The following FYB2 variants were observed in gnomAD, a reference collection of about 807,000 sequenced individuals.
FYB2 encodes FYN binding protein 2.
In FYB2, 103 loss-of-function variants were observed where a neutral mutation model predicts 94.1. The ratio of observed to expected loss-of-function variants is 1.09; its 90% confidence interval spans 0.93 to 1.29. The LOEUF is 1.29. Among genes scored for constraint, FYB2 ranks in the 50% most tolerant of loss-of-function variants. The probability of loss-of-function intolerance (pLI) is 0.00; values close to 1 mark genes in which losing one functional copy is unlikely to be tolerated. For synonymous variants in FYB2, 293 were observed against 287.9 expected, an observed-to-expected ratio of 1.02 and a Z score of -0.18; for missense variants, 896 against 841.5, an observed-to-expected ratio of 1.06 and a Z score of -0.80.
At chr1:56,813,826 A>T (rs1646821093) in intron 1 of FYB2, among the ~76,000 whole-genome samples, 1 of 152,192 alleles carries the variant, frequency 6.6e-6, no homozygotes. Context: ...TTTTTCCTTT[A>T]TAAATGAGAT....
rs749780645 is a variant in FYB2 at position 56,792,519 on chromosome 1, T to C, written c.294A>G (p.Gly98=). 2.5e-6 allele frequency: 4 copies of C among 1,614,052 alleles called. No homozygotes were observed. The South Asian group carries it at 4.4e-5, about 18-fold the overall frequency. Residue 98 remains glycine (G), a synonymous_variant, in exon 2 of 20, where the codon GGA becomes GGG. Coordinates refer to ENST00000343433, the MANE Select transcript of FYB2 (RefSeq NM_001004303.5). ...TTGTTGCAGAACATACAGTAGACTT[T>C]CCCAGAGGCCCTGGGGAGTTAGAAC... ...PKCSNSPGPL[G]KSTVCSATSS...
intron 4 of FYB2, 105 bp downstream of exon 4, chr1:56,787,070 T>G: frequency 3.9e-6 from 5 of 1,270,688 alleles, no homozygotes; most frequent in Non-Finnish European, 5.7e-6. Context: ...GAAACCCTTC[T>G]GAGAAATACA....
At chr1:56,744,121 C>A in intron 10 of FYB2, 31 bp downstream of exon 10, 3 of 1,611,748 alleles carry the variant, frequency 1.9e-6, no homozygotes, top group Non-Finnish European at 2.5e-6. Context: ...TCATCACATT[C>A]ATCTTGCTGA....
At chr1:56,812,338 CTA>C (rs1646786156) in intron 1 of FYB2, among the ~76,000 whole-genome samples, 1 of 152,066 alleles carries the variant, frequency 6.6e-6, no homozygotes, top group Admixed American at 6.6e-5. Context: ...TTCACCATGA[CTA>C]TGGTAAAAAG....
chr1:56,822,322 A>G (rs1490160819), upstream of FYB2, among the ~76,000 whole-genome samples: 1 of 152,240 alleles, frequency 6.6e-6, no homozygotes, highest in Non-Finnish European at 1.5e-5. Context: ...TTTAAATCGT[A>G]GAGAAATACA....
chr1:56,791,937 G>T, intron 2 of FYB2, 119 bp downstream of exon 2: 1 of 1,362,190 alleles, frequency 7.3e-7, no homozygotes, highest in East Asian at 2.4e-5. Context: ...ATCACGTGGA[G>T]AGTCTGGAGC....
At chr1:56,801,775 A>T (rs1313090103) in intron 1 of FYB2, among the ~76,000 whole-genome samples, 1 of 152,178 alleles carries the variant, frequency 6.6e-6, no homozygotes, top group Non-Finnish European at 1.5e-5. Flanking sequence ...ATTGGGTTCC[A>T]TAGACCATCA....
chr1:56,773,220 A>G (rs537070262), intron 4 of FYB2, among the ~76,000 whole-genome samples: 4 of 152,252 alleles, frequency 2.6e-5, no homozygotes, highest in African/African-American at 9.6e-5. Context: ...GGTTGTTTCC[A>G]TTTGCCATGT....
At chr1:56,810,338 A>G (rs966177094) in intron 1 of FYB2, among the ~76,000 whole-genome samples, 7 of 151,944 alleles carry the variant, frequency 4.6e-5, no homozygotes, top group Non-Finnish European at 1.0e-4. Flanking sequence ...TCCAGTCTGT[A>G]CCCCTTGGCT....
At chr1:56,783,411 T>TA (rs2100913720) in intron 4 of FYB2, among the ~76,000 whole-genome samples, 1 of 152,292 alleles carries the variant, frequency 6.6e-6, no homozygotes, top group South Asian at 2.1e-4. Flanking sequence ...AGATGGCTAT[T>TA]GTAAGTGTGC....
intron 16 of FYB2, 107 bp downstream of exon 16, chr1:56,726,390 T>C (rs965250141): frequency 3.6e-5 from 35 of 985,844 alleles, no homozygotes; most frequent in Non-Finnish European, 5.3e-5. Flanking sequence ...ATCTTGTAGA[T>C]GAAACAGCTG....
intron 5 of FYB2, among the ~76,000 whole-genome samples, chr1:56,764,984 TACCTCCTAAAGATCTC>T (rs904101803): frequency 2.0e-5 from 3 of 152,216 alleles, no homozygotes; most frequent in Non-Finnish European, 4.4e-5. Flanking sequence ...TAATACTAAC[TACCTCCTAAAGATCTC>T]ACCTCCTAAA....
At chr1:56,748,023 T>C (rs1645108305) in intron 9 of FYB2, among the ~76,000 whole-genome samples, 1 of 152,208 alleles carries the variant, frequency 6.6e-6, no homozygotes, top group Admixed American at 6.5e-5. Context: ...TTTTTTCATA[T>C]GTTTGTTGGC....
chr1:56,792,632 G>C lies in FYB2; in HGVS notation c.181C>G (p.Gln61Glu), dbSNP rs748597587. 1 of 1,614,088 alleles carries C rather than the reference G, an allele frequency of 6.2e-7. No individual in the cohort carries two copies. Among genetic ancestry groups the C allele is most frequent in the Non-Finnish European group, 8.5e-7 (1 of 1,180,008 alleles). The change falls in exon 2 of 20, where the codon CAG becomes GAG. Residue 61 changes from glutamine (Q) to glutamate (E), a missense_variant. By Grantham distance (29) the Gln-to-Glu change is conservative. Coordinates refer to ENST00000343433, the MANE Select transcript of FYB2 (RefSeq NM_001004303.5). ...CTACTGGAACAGTATGGTGTGCGCT[G>C]CTTGTGGTTGGATGAGAGGGGTTTC... ...NGKPLSSNHK[Q>E]RTPYCSSSES...
intron 4 of FYB2, among the ~76,000 whole-genome samples, chr1:56,768,933 T>C (rs982146801): frequency 2.6e-5 from 4 of 152,164 alleles, no homozygotes; most frequent in African/African-American, 9.7e-5. Flanking sequence ...AAAGGAGTTA[T>C]AGAGATCATA....
At chr1:56,794,627 ACT>A (rs1167435912) in intron 1 of FYB2, among the ~76,000 whole-genome samples, 3 of 151,818 alleles carry the variant, frequency 2.0e-5, no homozygotes, top group Middle Eastern at 3.4e-3. Context: ...AAGTACATGC[ACT>A]CTCTCTCCTT....
intron 14 of FYB2, 141 bp from the exon 15 acceptor site, chr1:56,737,288 A>G (rs1644849784): frequency 5.4e-6 from 3 of 550,634 alleles, no homozygotes; most frequent in Non-Finnish European, 6.3e-6. Context: ...TAAAATACAG[A>G]TAGGCTAGAA....
At position 56,777,239 on chromosome 1, in the gene FYB2, C is replaced by CAAAAAAAAAAAAAA. The variant is rs1453236717; in HGVS notation, c.954-9315_954-9302dup. Among the ~76,000 whole-genome samples the CAAAAAAAAAAAAAA allele has an allele frequency of 6.3e-4, 3 of 4,798 alleles. 1 individual carries two copies. The highest frequency in any genetic ancestry group is 7.8e-4 in the Non-Finnish European group (3 of 3,850). The allele number at this position is 4,798 out of a possible 152,430, so 3.1% of individuals were successfully genotyped here. A position where few individuals can be genotyped will look rare whatever the true frequency, so the allele number is the denominator to read the frequency against. On this transcript the variant is annotated intron_variant, in intron 4 of 19. Coordinates refer to ENST00000343433, the MANE Select transcript of FYB2 (RefSeq NM_001004303.5). ...ACAGAGCGAGACTCCGTCTCAAAAA[C>CAAAAAAAAAAAAAA]AAAAAAAAAAAAAAAAAAAAAAAAA...
chr1:56,779,709 A>G (rs1645965005), intron 4 of FYB2, among the ~76,000 whole-genome samples: 1 of 152,136 alleles, frequency 6.6e-6, no homozygotes, highest in Non-Finnish European at 1.5e-5. Context: ...GTCATTCGAT[A>G]ATTATTGCTT....
Sources: gnomAD v4.1 joint callset for allele counts (sites outside exome capture counted in the v4.1 genomes callset) on GRCh38, gnomAD v4.1.1 for gene constraint, MANE v1.5 for transcripts, NCBI Gene and HGNC (gene_info 2026-07-23, HGNC 2026-07-21) for gene names.